Variants in LRRC4C observed in about 807,000 individuals in gnomAD.
LRRC4C encodes the protein leucine rich repeat containing 4C.
In LRRC4C, 5 loss-of-function variants were observed where a neutral mutation model predicts 33.6. The ratio of observed to expected loss-of-function variants is 0.15; its 90% CI spans 0.08 to 0.31. LRRC4C has a LOEUF of 0.31. Ranked by LOEUF, LRRC4C falls within the 10% of genes least tolerant of loss-of-function variation. The probability of loss-of-function intolerance (pLI) is 1.00; values close to 1 mark genes in which losing one functional copy is unlikely to be tolerated. For missense variants in LRRC4C, 560 were observed against 796.7 expected (o/e 0.70, Z 3.58); for synonymous variants, 329 against 302.0 (o/e 1.09, Z -0.93).
At chr11:40,336,076 T>C (rs1158363) in intron 3 of LRRC4C, among the ~76,000 whole-genome samples, 33,098 of 152,134 alleles carry the variant, frequency 0.22, 4,312 homozygotes, top group Admixed American at 0.35. Context: ...AAGTTCAATA[T>C]AGAGTTTTTA....
chr11:41,021,643 T>C (rs937050679), intron 1 of LRRC4C, among the ~76,000 whole-genome samples: 1 of 152,094 alleles, frequency 6.6e-6, no homozygotes, highest in Non-Finnish European at 1.5e-5. Flanking sequence ...TGAGAAATTA[T>C]GCTAATACTA....
chr11:40,244,198 G>A (rs1447745038), intron 4 of LRRC4C, among the ~76,000 whole-genome samples: 1 of 152,108 alleles, frequency 6.6e-6, no homozygotes, highest in Non-Finnish European at 1.5e-5. Flanking sequence ...CAATGAATAT[G>A]TTGGCCTCAG....
At chr11:41,075,320 T>TA (rs936131877) in intron 1 of LRRC4C, among the ~76,000 whole-genome samples, 39 of 152,140 alleles carry the variant, frequency 2.6e-4, no homozygotes, top group East Asian at 7.7e-4. Flanking sequence ...AATTCCCAGA[T>TA]AAAAAAATAT....
chr11:40,833,357 C>T (rs1412919085), intron 2 of LRRC4C, among the ~76,000 whole-genome samples: 1 of 151,908 alleles, frequency 6.6e-6, no homozygotes, highest in Non-Finnish European at 1.5e-5. Context: ...AAATTTTTTT[C>T]CAGTTGTCAC....
intron 1 of LRRC4C, among the ~76,000 whole-genome samples, chr11:41,264,330 T>A (rs1049443182): frequency 1.3e-5 from 2 of 152,146 alleles, no homozygotes; most frequent in East Asian, 3.9e-4. Flanking sequence ...GATCTCATGA[T>A]CCGCCTGCCT....
At chr11:40,164,906 A>T (rs1859461489) in intron 5 of LRRC4C, among the ~76,000 whole-genome samples, 1 of 152,200 alleles carries the variant, frequency 6.6e-6, no homozygotes, top group Non-Finnish European at 1.5e-5. Flanking sequence ...GTTTATTTAA[A>T]CAGAAGTTTA....
intron 1 of LRRC4C, among the ~76,000 whole-genome samples, chr11:41,423,299 G>A (rs1034555220): frequency 4.6e-5 from 7 of 152,030 alleles, no homozygotes; most frequent in African/African-American, 1.7e-4. Flanking sequence ...CAGAGAGGTA[G>A]TTAGAATCCA....
At chr11:40,605,792 G>A (rs1055784659) in intron 3 of LRRC4C, among the ~76,000 whole-genome samples, 11 of 152,238 alleles carry the variant, frequency 7.2e-5, no homozygotes, top group African/African-American at 2.4e-4. Context: ...CCTCACCATA[G>A]TTCCTGCCAC....
At chr11:41,229,616 C>A (rs1947693989) in intron 1 of LRRC4C, among the ~76,000 whole-genome samples, 1 of 152,034 alleles carries the variant, frequency 6.6e-6, no homozygotes, top group African/African-American at 2.4e-5. Flanking sequence ...TCTTGTATGG[C>A]CAATTTCTCA....
At chr11:40,997,552 T>G (rs895622942) in intron 1 of LRRC4C, among the ~76,000 whole-genome samples, 3 of 152,138 alleles carry the variant, frequency 2.0e-5, no homozygotes, top group Non-Finnish European at 4.4e-5. Context: ...ATGCAATTAT[T>G]TTGAAAAAGT....
intron 2 of LRRC4C, among the ~76,000 whole-genome samples, chr11:40,838,352 T>C (rs1344253635): frequency 6.6e-6 from 1 of 152,198 alleles, no homozygotes; most frequent in South Asian, 2.1e-4. Context: ...CTGATGAAAA[T>C]GTTTTGTCTC....
chr11:41,185,171 T>C (rs1204845390), intron 1 of LRRC4C, among the ~76,000 whole-genome samples: 1 of 152,142 alleles, frequency 6.6e-6, no homozygotes, highest in Non-Finnish European at 1.5e-5. Context: ...TATTACAAAT[T>C]TAATATTATC....
intron 2 of LRRC4C, among the ~76,000 whole-genome samples, chr11:40,713,140 C>CA (rs987743388): frequency 6.6e-6 from 1 of 151,684 alleles, no homozygotes; most frequent in Non-Finnish European, 1.5e-5. Context: ...GTGGTCCACC[C>CA]ACCTTAGCCT....
chr11:40,783,476 T>C (rs1950299087), intron 2 of LRRC4C, among the ~76,000 whole-genome samples: 1 of 151,772 alleles, frequency 6.6e-6, no homozygotes, highest in South Asian at 2.1e-4. Flanking sequence ...TTTCTTTTTT[T>C]ATTTTTATTT....
At chr11:41,044,668 G>A (rs1001137781) in intron 1 of LRRC4C, among the ~76,000 whole-genome samples, 21 of 152,210 alleles carry the variant, frequency 1.4e-4, no homozygotes, top group African/African-American at 4.8e-4. Flanking sequence ...TAACAGTGAA[G>A]ACAATGTTTA....
chr11:41,360,768 T>C (rs1437316203), intron 1 of LRRC4C, among the ~76,000 whole-genome samples: 1 of 152,186 alleles, frequency 6.6e-6, no homozygotes, highest in African/African-American at 2.4e-5. Context: ...AGTTAAAGGG[T>C]GGCTCATGAG....
intron 1 of LRRC4C, among the ~76,000 whole-genome samples, chr11:41,010,683 T>C (rs11036188): frequency 0.14 from 21,985 of 152,202 alleles, 1,697 homozygotes; most frequent in Middle Eastern, 0.21. Flanking sequence ...AATCATATTT[T>C]TGAGAGAGAT....
chr11:41,012,849 C>T (rs189338603), intron 1 of LRRC4C, among the ~76,000 whole-genome samples: 2 of 152,160 alleles, frequency 1.3e-5, no homozygotes, highest in Non-Finnish European at 1.5e-5. Context: ...TGGTACTGAA[C>T]ATTTTCTCAT....
At chr11:40,703,527 C>A (rs1039990806) in intron 2 of LRRC4C, among the ~76,000 whole-genome samples, 1 of 152,078 alleles carries the variant, frequency 6.6e-6, no homozygotes, top group Non-Finnish European at 1.5e-5. Context: ...CAGCACTGAA[C>A]TCCAGCCTAG....
Sources: gnomAD v4.1 joint callset for allele counts (sites outside exome capture counted in the v4.1 genomes callset) on GRCh38, gnomAD v4.1.1 for gene constraint, MANE v1.5 for transcripts, NCBI Gene and HGNC (gene_info 2026-07-23, HGNC 2026-07-21) for gene names.